RASAL2: variants seen among roughly 807,000 people sequenced by gnomAD.
RASAL2 encodes RAS protein activator like 2, also known as ras GTPase-activating protein nGAP.
A neutral mutation model predicts 128.9 loss-of-function variants in RASAL2; 58 were observed. That is an observed-to-expected ratio of 0.45 (90% CI 0.36 to 0.56). RASAL2 has a LOEUF of 0.56. Among genes scored for constraint, RASAL2 ranks in the 20% least tolerant of loss-of-function variants. The pLI is 0.00. For synonymous variants in RASAL2, 561 were observed against 580.8 expected (o/e 0.97, Z 0.49); for missense variants, 1,360 against 1,601.6 (o/e 0.85, Z 2.57).
chr1:178,146,002 AGAGT>A (rs1660719814), intron 1 of RASAL2, among the ~76,000 whole-genome samples: 1 of 152,254 alleles, frequency 6.6e-6, no homozygotes, highest in African/African-American at 2.4e-5. Flanking sequence ...AGGAAGGAAG[AGAGT>A]GTGTATTGGA....
At chr1:178,113,217 T>G (rs575550377) in intron 1 of RASAL2, among the ~76,000 whole-genome samples, 16 of 152,294 alleles carry the variant, frequency 1.1e-4, no homozygotes, top group African/African-American at 3.8e-4. Flanking sequence ...TATCTTGATT[T>G]ACAAGCATAC....
intron 3 of RASAL2, among the ~76,000 whole-genome samples, chr1:178,307,850 G>A (rs945582580): frequency 6.6e-6 from 1 of 152,188 alleles, no homozygotes; most frequent in Non-Finnish European, 1.5e-5. Flanking sequence ...TACAGTATGA[G>A]CCTGAAATGA....
At chr1:178,178,129 A>G (rs1661956211) in intron 1 of RASAL2, among the ~76,000 whole-genome samples, 1 of 152,196 alleles carries the variant, frequency 6.6e-6, no homozygotes, top group Non-Finnish European at 1.5e-5. Context: ...TAGTCCAAAC[A>G]TTTAGACGTA....
At chr1:178,114,324 T>G (rs1024267252) in intron 1 of RASAL2, among the ~76,000 whole-genome samples, 1 of 152,140 alleles carries the variant, frequency 6.6e-6, no homozygotes, top group Non-Finnish European at 1.5e-5. Context: ...GGTTTTTTTG[T>G]TGTTTGTTAA....
intron 3 of RASAL2, among the ~76,000 whole-genome samples, chr1:178,374,437 T>TC (rs1671883266): frequency 6.6e-6 from 1 of 152,070 alleles, no homozygotes; most frequent in Non-Finnish European, 1.5e-5. Context: ...AAGGCAGATT[T>TC]CCCTCCAGAA....
intron 1 of RASAL2, among the ~76,000 whole-genome samples, chr1:178,175,727 A>G (rs1462818712): frequency 1.3e-5 from 2 of 151,360 alleles, no homozygotes; most frequent in Non-Finnish European, 2.9e-5. Flanking sequence ...TCCAAAGTCC[A>G]TTATATATCA....
chr1:178,306,514 A>G (rs1211228688), intron 3 of RASAL2, among the ~76,000 whole-genome samples: 1 of 152,124 alleles, frequency 6.6e-6, no homozygotes, highest in East Asian at 1.9e-4. Context: ...AGTCCCACCA[A>G]TAGTGTAAAA....
chr1:178,473,503 G>A lies in RASAL2; in HGVS notation c.*264G>A, dbSNP rs1256627240. The stretch of plus-strand genomic sequence containing the variant: ...AAAATATCACTGTAATATACCAAAA[G>A]GAAGTTAATAATGTAGATTACCTTT... On this transcript the variant is annotated 3_prime_UTR_variant, in exon 18 of 18. Transcript: ENST00000367649. 1 of 475,502 alleles carries A rather than the reference G, an allele frequency of 2.1e-6. No homozygotes were observed. The highest frequency in any genetic ancestry group is 3.8e-5 in the Admixed American group (1 of 26,002). 29.5% of individuals were successfully genotyped at this position (475,502 alleles called of 1,614,324 possible).
intron 3 of RASAL2, among the ~76,000 whole-genome samples, chr1:178,374,613 A>G (rs1331045536): frequency 1.3e-5 from 2 of 152,258 alleles, no homozygotes; most frequent in East Asian, 1.9e-4. Flanking sequence ...AAAACCTTCC[A>G]TGGTTTCTTC....
chr1:178,398,346 G>C (rs143948594), intron 4 of RASAL2, among the ~76,000 whole-genome samples: 57 of 152,122 alleles, frequency 3.7e-4, no homozygotes, highest in African/African-American at 1.2e-3. Flanking sequence ...TTTATATCTT[G>C]TTCATGTTTG....
At chr1:178,162,140 A>G (rs1020545518) in intron 1 of RASAL2, among the ~76,000 whole-genome samples, 2 of 147,338 alleles carry the variant, frequency 1.4e-5, no homozygotes, top group Non-Finnish European at 3.0e-5. Flanking sequence ...AATTTTTTGT[A>G]TTTTTTAGTA....
intron 9 of RASAL2, among the ~76,000 whole-genome samples, chr1:178,448,697 A>G (rs946104113): frequency 6.6e-6 from 1 of 151,796 alleles, no homozygotes; most frequent in Non-Finnish European, 1.5e-5. Context: ...TCTCCATTCT[A>G]TGGAGATAGG....
chr1:178,396,558 A>G (rs903344337), intron 4 of RASAL2, among the ~76,000 whole-genome samples: 1 of 152,032 alleles, frequency 6.6e-6, no homozygotes, highest in Admixed American at 6.6e-5. Context: ...AAAAAAATAT[A>G]TATATATATT....
chr1:178,439,594 A>T lies in RASAL2; in HGVS notation c.828+19A>T, dbSNP rs766867230. The T allele has an allele frequency of 6.2e-7, 1 of 1,606,450 alleles. No homozygotes were observed. The highest frequency in any genetic ancestry group is 1.1e-5 in the South Asian group (1 of 89,838). ...CTTTGAGGTAAAAATAAAGTGTAGAAAAAAGGAAGAGTAGTTAAACAACAA... is the reference window on the plus strand; with the variant it reads ...CTTTGAGGTAAAAATAAAGTGTAGATAAAAGGAAGAGTAGTTAAACAACAA... On this transcript the variant is annotated intron_variant, in intron 6 of 17. Coordinates refer to ENST00000367649, the MANE Select transcript of RASAL2 (RefSeq NM_170692.4).
At chr1:178,335,003 A>T (rs1669518053) in intron 3 of RASAL2, among the ~76,000 whole-genome samples, 1 of 152,118 alleles carries the variant, frequency 6.6e-6, no homozygotes, top group African/African-American at 2.4e-5. Context: ...TGAAATAAAA[A>T]TGTAATATAA....
At chr1:178,156,420 G>A (rs1258201538) in intron 1 of RASAL2, among the ~76,000 whole-genome samples, 6 of 152,072 alleles carry the variant, frequency 3.9e-5, no homozygotes, top group African/African-American at 1.4e-4. Context: ...TTGGTTTAAT[G>A]GACTCCTTAT....
intron 1 of RASAL2, among the ~76,000 whole-genome samples, chr1:178,226,794 G>T (rs947411796): frequency 3.3e-5 from 5 of 152,102 alleles, no homozygotes; most frequent in African/African-American, 1.2e-4. Context: ...ACAAAAACTA[G>T]CCAGGTGTGG....
chr1:178,247,049 A>G (rs929291879), intron 1 of RASAL2, among the ~76,000 whole-genome samples: 2 of 152,160 alleles, frequency 1.3e-5, no homozygotes, highest in Admixed American at 1.3e-4. Context: ...TGTCTTGGCC[A>G]GGTTTTGGAA....
At chr1:178,318,215 ATG>A (rs1668579576) in intron 3 of RASAL2, among the ~76,000 whole-genome samples, 1 of 149,998 alleles carries the variant, frequency 6.7e-6, no homozygotes, top group Non-Finnish European at 1.5e-5. Flanking sequence ...ACTTCCAACT[ATG>A]TGGTCAATTT....
Sources: allele counts gnomAD v4.1 joint callset (sites outside exome capture counted in the v4.1 genomes callset), GRCh38; gene constraint gnomAD v4.1.1; transcripts MANE v1.5; gene names NCBI Gene and HGNC (gene_info 2026-07-23, HGNC 2026-07-21).